Variants in ESCO2 observed in about 807,000 individuals in gnomAD.
ESCO2 encodes establishment of sister chromatid cohesion N-acetyltransferase 2, also known as N-acetyltransferase ESCO2.
In ESCO2, 51 loss-of-function variants were observed where a neutral mutation model predicts 61.7. That is an observed-to-expected ratio of 0.83 (90% CI 0.66 to 1.04). ESCO2 has a LOEUF of 1.04. ESCO2 is among the 50% of genes least tolerant of loss of function. The pLI, the probability that ESCO2 is intolerant of heterozygous loss-of-function variation, is 0.00. For missense variants in ESCO2, 692 were observed against 686.2 expected, an observed-to-expected ratio of 1.01 and a Z score of -0.09; for synonymous variants, 230 against 238.2, an observed-to-expected ratio of 0.97 and a Z score of 0.32.
At chr8:27,794,240 T>C (rs1433503142) in intron 9 of ESCO2, among the ~76,000 whole-genome samples, 1 of 152,256 alleles carries the variant, frequency 6.6e-6, no homozygotes, top group African/African-American at 2.4e-5. Flanking sequence ...TCAGTTCCTT[T>C]GGATATACAC....
rs146523589 is a variant in ESCO2 at position 27,776,992 on chromosome 8, G to A, written c.684G>A (p.Pro228=). 3.0e-5 allele frequency: 48 copies of A among 1,612,856 alleles called. No homozygotes were observed. Among genetic ancestry groups the A allele is most frequent in the Non-Finnish European group, 3.4e-5 (40 of 1,179,710 alleles). Residue 228 remains proline (P), a synonymous_variant, in exon 3 of 11, where the codon CCG becomes CCA. Coordinates refer to ENST00000305188, the MANE Select transcript of ESCO2 (RefSeq NM_001017420.3). ...SLRKSSLENE[P]SLGRTQKSKS... ...GAAAATCGTCCCTGGAAAATGAGCC[G>A]TCACTGGGACGCACCCAAAAGAGTA...
In ESCO2 at chr8:27,776,643, C is replaced by T; in HGVS notation, c.335C>T (p.Thr112Ile). 2.5e-6 allele frequency: 4 copies of T among 1,613,864 alleles called. No individual in the cohort carries two copies. The highest frequency in any genetic ancestry group is 3.4e-6 in the Non-Finnish European group (4 of 1,179,978). ...IKESRSTCLK[T>I]NDEDKSFPIV... ...GAGAGTAGATCTACTTGTCTAAAAACTAATGATGAAGATAAATCTTTTCCC... is the reference window on the plus strand; with the variant it reads ...GAGAGTAGATCTACTTGTCTAAAAATTAATGATGAAGATAAATCTTTTCCC... The change falls in exon 3 of 11, where the codon ACT becomes ATT. Residue 112 changes from threonine to isoleucine, a missense_variant. Coordinates refer to ENST00000305188, the MANE Select transcript of ESCO2 (RefSeq NM_001017420.3).
chr8:27,789,880 A>G (rs1191084781), intron 7 of ESCO2, among the ~76,000 whole-genome samples: 1 of 152,262 alleles, frequency 6.6e-6, no homozygotes, highest in Non-Finnish European at 1.5e-5. Context: ...GGTGCTCTTT[A>G]ATCTGGCCTC....
At chr8:27,805,746 G>A (rs1443726136), downstream of ESCO2, among the ~76,000 whole-genome samples, 1 of 152,124 alleles carries the variant, frequency 6.6e-6, no homozygotes, top group Non-Finnish European at 1.5e-5. Flanking sequence ...AAGTAGCTGG[G>A]ACTACAGGTG....
At chr8:27,819,548 A>G in the ESCO2 span, among the ~76,000 whole-genome samples, 1 of 152,064 alleles carries the variant, frequency 6.6e-6, no homozygotes, top group Admixed American at 6.5e-5. Context: ...GATTTACAGC[A>G]TTGATGTTAA....
At chr8:27,788,177 T>G (rs1361986294) in intron 6 of ESCO2, among the ~76,000 whole-genome samples, 175 bp downstream of exon 6, 3 of 152,196 alleles carry the variant, frequency 2.0e-5, no homozygotes, top group African/African-American at 4.8e-5. Context: ...ATCTGTGCTT[T>G]TCCTGCACTC....
chr8:27,810,206 T>C, downstream of ESCO2: 4 of 792,886 alleles, frequency 5.0e-6, no homozygotes, highest in South Asian at 6.3e-5. Flanking sequence ...GGTCCTCAAA[T>C]ATGCCAATTT....
chr8:27,815,165 G>C (rs929233699), downstream of ESCO2, among the ~76,000 whole-genome samples: 14 of 151,920 alleles, frequency 9.2e-5, no homozygotes, highest in African/African-American at 3.1e-4. Flanking sequence ...AAGGAAAAGA[G>C]GATGAAACTA....
At chr8:27,801,437 A>C (rs1341090058) in intron 10 of ESCO2, among the ~76,000 whole-genome samples, 1 of 152,174 alleles carries the variant, frequency 6.6e-6, no homozygotes, top group Non-Finnish European at 1.5e-5. Context: ...CATAAATCCT[A>C]GTCAATCACA....
intron 4 of ESCO2, among the ~76,000 whole-genome samples, chr8:27,781,660 A>G (rs1490438546): frequency 1.3e-5 from 2 of 151,292 alleles, no homozygotes; most frequent in Non-Finnish European, 2.9e-5. Flanking sequence ...TCCAGGGTTC[A>G]AGCATTTCTC....
At chr8:27,802,253 T>C (rs1805446635) in intron 10 of ESCO2, among the ~76,000 whole-genome samples, 1 of 151,764 alleles carries the variant, frequency 6.6e-6, no homozygotes, top group African/African-American at 2.4e-5. Flanking sequence ...GTAGTCAAAA[T>C]GCAGATTAGT....
chr8:27,818,087 A>T, the ESCO2 span, among the ~76,000 whole-genome samples: 2 of 152,214 alleles, frequency 1.3e-5, no homozygotes. Context: ...GCCATGTTCC[A>T]TATAGTGGCT....
downstream of ESCO2, among the ~76,000 whole-genome samples, chr8:27,805,480 G>T (rs985186254): frequency 1.2e-4 from 19 of 152,026 alleles, no homozygotes; most frequent in African/African-American, 4.6e-4. Flanking sequence ...ATTTGCTATT[G>T]ATACTGTTGT....
intron 2 of ESCO2, 80 bp from the exon 3 acceptor site, chr8:27,776,282 A>G: frequency 8.4e-7 from 1 of 1,193,380 alleles, no homozygotes; most frequent in Non-Finnish European, 1.2e-6. Flanking sequence ...ATGACCTACA[A>G]GTAGAGCTTA....
At chr8:27,782,386 C>T (rs1804944417) in intron 4 of ESCO2, among the ~76,000 whole-genome samples, 2 of 152,162 alleles carry the variant, frequency 1.3e-5, no homozygotes, top group African/African-American at 4.8e-5. Flanking sequence ...CTCAGCCTCC[C>T]AAGTAGCTGG....
At chr8:27,802,657 T>A (rs867677237) in intron 10 of ESCO2, among the ~76,000 whole-genome samples, 17 of 43,866 alleles carry the variant, frequency 3.9e-4, no homozygotes, top group African/African-American at 1.0e-3. Context: ...ATATATATAT[T>A]ATATATATAT....
intron 1 of ESCO2, among the ~76,000 whole-genome samples, chr8:27,775,222 G>T (rs754478216): frequency 1.3e-5 from 2 of 152,180 alleles, no homozygotes; most frequent in Non-Finnish European, 2.9e-5. Context: ...GCTGGGCTCT[G>T]ATGAAAAGTT....
chr8:27,806,677 T>C (rs1805570920), downstream of ESCO2, among the ~76,000 whole-genome samples: 1 of 151,888 alleles, frequency 6.6e-6, no homozygotes, highest in African/African-American at 2.4e-5. Flanking sequence ...TGGAGTGCAT[T>C]GGCACTATCT....
At chr8:27,786,842 C>T (rs1276931473) in intron 5 of ESCO2, among the ~76,000 whole-genome samples, 6 of 51,112 alleles carry the variant, frequency 1.2e-4, no homozygotes, top group Admixed American at 4.4e-4. Context: ...GTTTGAACTT[C>T]TTACTTTTGG....
Sources: gnomAD v4.1 joint callset for allele counts (sites outside exome capture counted in the v4.1 genomes callset) on GRCh38, gnomAD v4.1.1 for gene constraint, MANE v1.5 for transcripts, NCBI Gene and HGNC (gene_info 2026-07-23, HGNC 2026-07-21) for gene names.